SDK1: variants seen among roughly 807,000 people sequenced by gnomAD.
The protein encoded by SDK1 is sidekick cell adhesion molecule 1.
A neutral mutation model predicts 245.5 loss-of-function variants in SDK1; 157 were observed. The observed-to-expected ratio is 0.64, with a 90% confidence interval of 0.56 to 0.73. The LOEUF is 0.73. Among genes scored for constraint, SDK1 ranks in the 30% least tolerant of loss-of-function variants. The pLI, the probability that SDK1 is intolerant of heterozygous loss-of-function variation, is 0.00. For missense variants in SDK1, 3,583 were observed against 3,002.3 expected (o/e 1.19, Z -4.52); for synonymous variants, 1,647 against 1,278.5 (o/e 1.29, Z -6.15).
At chr7:3,472,549 A>G (rs1370784810) in intron 1 of SDK1, among the ~76,000 whole-genome samples, 1 of 152,222 alleles carries the variant, frequency 6.6e-6, no homozygotes, top group Non-Finnish European at 1.5e-5. Context: ...TTAATAGAAT[A>G]ATTATAACTG....
chr7:4,146,873 A>G (rs1780020642), intron 29 of SDK1, among the ~76,000 whole-genome samples: 1 of 152,170 alleles, frequency 6.6e-6, no homozygotes, highest in South Asian at 2.1e-4. Flanking sequence ...AAACTGAGAG[A>G]GTTTTATTAA....
intron 1 of SDK1, among the ~76,000 whole-genome samples, chr7:3,362,768 T>C (rs1780987934): frequency 6.6e-6 from 1 of 152,200 alleles, no homozygotes; most frequent in Non-Finnish European, 1.5e-5. Flanking sequence ...TCATGTACCA[T>C]GTAAAAGGTA....
intron 1 of SDK1, among the ~76,000 whole-genome samples, chr7:3,606,817 C>T (rs1002168235): frequency 1.5e-4 from 22 of 151,262 alleles, no homozygotes; most frequent in Non-Finnish European, 2.5e-4. Context: ...AAAGGTGTTT[C>T]TGTTATTATT....
At chr7:3,612,271 C>A (rs76035174) in intron 1 of SDK1, among the ~76,000 whole-genome samples, 2 of 152,188 alleles carry the variant, frequency 1.3e-5, no homozygotes, top group African/African-American at 2.4e-5. Context: ...TCATAGGATC[C>A]TCTTACAGCA....
At chr7:3,966,282 C>G (rs1468929524) in intron 9 of SDK1, among the ~76,000 whole-genome samples, 1 of 152,156 alleles carries the variant, frequency 6.6e-6, no homozygotes, top group Non-Finnish European at 1.5e-5. Flanking sequence ...CAGGTGCAGG[C>G]AGAGGCGGCG....
chr7:3,575,602 C>T (rs148467712), intron 1 of SDK1, among the ~76,000 whole-genome samples: 9 of 151,974 alleles, frequency 5.9e-5, no homozygotes, highest in African/African-American at 9.6e-5. Flanking sequence ...GAGGGAAAAT[C>T]GATCTAGAGA....
intron 22 of SDK1, among the ~76,000 whole-genome samples, chr7:4,104,030 G>A (rs1782749907): frequency 2.0e-5 from 3 of 152,224 alleles, no homozygotes; most frequent in Admixed American, 2.0e-4. Context: ...TCGGCCCCTG[G>A]GCCGGAGTTT....
At chr7:3,886,013 C>A (rs974170565) in intron 5 of SDK1, among the ~76,000 whole-genome samples, 3 of 151,918 alleles carry the variant, frequency 2.0e-5, no homozygotes, top group African/African-American at 7.2e-5. Context: ...GGAGGTGATC[C>A]TAGGAGGCGG....
In SDK1 at chr7:3,829,443, G is replaced by A. The variant is rs548854061; in HGVS notation, c.847+7860G>A. Reference sequence around the variant, plus strand: ...CTTAGATTCCACGACAGCCCTGTGAGTTAACAATCAACTCTGTTTCAAAGC... The same window carrying A: ...CTTAGATTCCACGACAGCCCTGTGAATTAACAATCAACTCTGTTTCAAAGC... On this transcript the variant is annotated intron_variant, in intron 5 of 44. Coordinates refer to ENST00000404826, the MANE Select transcript of SDK1 (RefSeq NM_152744.4). Among the ~76,000 whole-genome samples, 22 of 152,228 alleles carry A rather than the reference G, an allele frequency of 1.4e-4. 1 individual carries two copies. The highest frequency in any genetic ancestry group is 6.8e-3 in the Middle Eastern group (2 of 294).
rs759522530 is a variant in SDK1 at position 4,210,098 on chromosome 7, T to C, written c.5475T>C (p.Pro1825=). The C allele has an allele frequency of 5.0e-6, 8 of 1,610,424 alleles. No individual in the cohort carries two copies. In the South Asian group the frequency reaches 8.8e-5, roughly 18 times the overall value. The change falls in exon 38 of 45, where the codon CCT becomes CCC. Residue 1825 remains proline, a synonymous_variant. Coordinates refer to ENST00000404826, the MANE Select transcript of SDK1 (RefSeq NM_152744.4). ...CGCTCAACGTGTCCTGGGGCGAGCC[T>C]GCGGCGGCCAACGGCATCCTGCAGG... is the stretch of plus-strand genomic sequence containing the variant. ...STTLNVSWGE[P]AAANGILQGY...
At chr7:4,100,072 C>T (rs1468019582) in intron 22 of SDK1, among the ~76,000 whole-genome samples, 1 of 152,224 alleles carries the variant, frequency 6.6e-6, no homozygotes, top group East Asian at 1.9e-4. Context: ...CTGCTCTCCT[C>T]ACGCCCCTTC....
intron 20 of SDK1, among the ~76,000 whole-genome samples, chr7:4,075,613 A>C (rs1460605605): frequency 2.7e-5 from 4 of 149,022 alleles, no homozygotes; most frequent in South Asian, 4.3e-4. Flanking sequence ...ACTCCCCTCC[A>C]CGCGGGTTGA....
Position 4,268,224 on chromosome 7 carries a change from A to G in SDK1, c.*2840A>G. ...CAGATTGCTTCGGCCCCACCCTGCA[A>G]GGATGTGGTCACGGAGTGGCCAGGA... is the stretch of plus-strand genomic sequence containing the variant. On this transcript the variant is annotated 3_prime_UTR_variant, in exon 45 of 45. Transcript: ENST00000404826. 2 of 990,560 alleles carry G rather than the reference A, an allele frequency of 2.0e-6. No individual in the cohort carries two copies. The highest frequency in any genetic ancestry group is 2.4e-6 in the Non-Finnish European group (2 of 833,060). The allele number at this position is 990,560 out of a possible 1,614,324, so 61.4% of individuals were successfully genotyped here.
intron 4 of SDK1, among the ~76,000 whole-genome samples, chr7:3,654,709 G>A (rs1289421734): frequency 6.6e-6 from 1 of 152,190 alleles, no homozygotes; most frequent in Admixed American, 6.5e-5. Flanking sequence ...TGTGCCAAGT[G>A]AATAGCCCAA....
At chr7:3,312,653 C>T (rs905683059) in intron 1 of SDK1, among the ~76,000 whole-genome samples, 4 of 151,590 alleles carry the variant, frequency 2.6e-5, no homozygotes, top group African/African-American at 4.9e-5. Context: ...ATTGAAAAAT[C>T]AATAGATTTT....
chr7:3,600,025 A>T (rs1260176938), intron 1 of SDK1, among the ~76,000 whole-genome samples: 1 of 152,172 alleles, frequency 6.6e-6, no homozygotes, highest in Non-Finnish European at 1.5e-5. Context: ...CATAGATTTT[A>T]CATTTTTACT....
At chr7:3,924,836 G>A (rs1245415475) in intron 5 of SDK1, among the ~76,000 whole-genome samples, 9 of 152,134 alleles carry the variant, frequency 5.9e-5, no homozygotes, top group African/African-American at 9.7e-5. Flanking sequence ...TCCTGTGTGT[G>A]TGTGACAGAG....
chr7:3,867,997 G>A lies in SDK1; in HGVS notation c.847+46414G>A, dbSNP rs558414160. Among the ~76,000 whole-genome samples, 14 of 151,830 alleles carry A rather than the reference G, an allele frequency of 9.2e-5. No homozygotes were observed. The East Asian group carries it at 1.4e-3, about 15-fold the overall frequency. On this transcript the variant is annotated intron_variant, in intron 5 of 44. Coordinates refer to ENST00000404826, the MANE Select transcript of SDK1 (RefSeq NM_152744.4). Reference sequence around the variant, plus strand: ...CTCCACAGATTGTGTAAAACTTCTCGGAAAAACCCTATTTCATAACTCGAG... The same window carrying A: ...CTCCACAGATTGTGTAAAACTTCTCAGAAAAACCCTATTTCATAACTCGAG...
intron 1 of SDK1, among the ~76,000 whole-genome samples, chr7:3,393,513 C>G (rs1781814061): frequency 6.6e-6 from 1 of 152,082 alleles, no homozygotes; most frequent in South Asian, 2.1e-4. Context: ...CATTGCAGCA[C>G]AGTCAAGTGA....
Sources: gnomAD v4.1 joint callset for allele counts (sites outside exome capture counted in the v4.1 genomes callset) on GRCh38, gnomAD v4.1.1 for gene constraint, MANE v1.5 for transcripts, NCBI Gene and HGNC (gene_info 2026-07-23, HGNC 2026-07-21) for gene names.